The following DLG2 variants were observed in gnomAD, a reference collection of about 807,000 sequenced individuals.
The protein encoded by DLG2 is discs large MAGUK scaffold protein 2.
A neutral mutation model predicts 132.5 loss-of-function variants in DLG2; 45 were observed. The observed-to-expected ratio is 0.34, with a 90% CI of 0.27 to 0.44. DLG2 has a LOEUF of 0.44. DLG2 is among the 20% of genes least tolerant of loss of function. The pLI is 1.00. For synonymous variants in DLG2, 424 were observed against 419.6 expected, an observed-to-expected ratio of 1.01 and a Z score of -0.13; for missense variants, 1,045 against 1,196.9, an observed-to-expected ratio of 0.87 and a Z score of 1.87.
chr11:85,316,648 T>C (rs958339358), intron 3 of DLG2, among the ~76,000 whole-genome samples: 1 of 151,934 alleles, frequency 6.6e-6, no homozygotes, highest in Admixed American at 6.6e-5. Flanking sequence ...AGGATACAAC[T>C]GGGTATTTGA....
chr11:85,280,836 C>T (rs1266240370), intron 4 of DLG2, among the ~76,000 whole-genome samples: 1 of 151,938 alleles, frequency 6.6e-6, no homozygotes, highest in Non-Finnish European at 1.5e-5. Flanking sequence ...AAAATCAAAC[C>T]TCGGAATAGA....
intron 6 of DLG2, among the ~76,000 whole-genome samples, chr11:84,919,250 T>C (rs1209884500): frequency 6.6e-6 from 1 of 152,136 alleles, no homozygotes; most frequent in South Asian, 2.1e-4. Context: ...CTTATCTAAC[T>C]TACTGCTTAT....
At chr11:85,442,156 G>T (rs999614468) in intron 3 of DLG2, among the ~76,000 whole-genome samples, 11 of 152,182 alleles carry the variant, frequency 7.2e-5, no homozygotes, top group African/African-American at 2.4e-4. Flanking sequence ...CATGTCAAAA[G>T]ATTTGGATTT....
chr11:85,358,694 A>T (rs2083923031), intron 3 of DLG2, among the ~76,000 whole-genome samples: 1 of 152,222 alleles, frequency 6.6e-6, no homozygotes, highest in African/African-American at 2.4e-5. Flanking sequence ...GTAAACTTCT[A>T]GCTGGAACCA....
chr11:84,292,430 T>C (rs2154376311), intron 7 of DLG2, among the ~76,000 whole-genome samples: 1 of 152,216 alleles, frequency 6.6e-6, no homozygotes, highest in East Asian at 1.9e-4. Context: ...TGCTAGAGCC[T>C]AGCATTCCCT....
intron 7 of DLG2, among the ~76,000 whole-genome samples, chr11:84,326,253 C>T (rs559991984): frequency 1.3e-5 from 2 of 150,686 alleles, no homozygotes; most frequent in South Asian, 4.2e-4. Context: ...TAATTATTTT[C>T]TTCCTTCTGC....
intron 18 of DLG2, among the ~76,000 whole-genome samples, chr11:83,783,414 A>G (rs1409483015): frequency 6.6e-6 from 1 of 152,360 alleles, no homozygotes; most frequent in East Asian, 1.9e-4. Flanking sequence ...GCTAAAGACT[A>G]TGAGGAACAC....
chr11:85,258,236 G>A (rs921797915), intron 4 of DLG2, among the ~76,000 whole-genome samples: 2 of 152,002 alleles, frequency 1.3e-5, no homozygotes, highest in Admixed American at 6.6e-5. Flanking sequence ...TATTTTGACT[G>A]GCTTATTCAA....
intron 7 of DLG2, among the ~76,000 whole-genome samples, chr11:84,412,728 G>T (rs118150772): frequency 1.1e-4 from 16 of 152,128 alleles, no homozygotes; most frequent in African/African-American, 2.9e-4. Context: ...CTGCCTTAAG[G>T]CTCCATGGTT....
At chr11:85,395,905 G>A (rs2087308708) in intron 3 of DLG2, among the ~76,000 whole-genome samples, 2 of 152,194 alleles carry the variant, frequency 1.3e-5, no homozygotes, top group South Asian at 4.1e-4. Flanking sequence ...GCTCTGAAGA[G>A]ACCAGTGGTT....
chr11:85,481,735 C>T lies in DLG2; in HGVS notation c.40+116922G>A, dbSNP rs907682593. The stretch of plus-strand genomic sequence containing the variant: ...TCAGGCTAGCCCTCACAGCCACAGG[C>T]TTCAGGCCTGCCCCAGTACCAGGCC... On this transcript the variant is annotated intron_variant, in intron 3 of 27. Coordinates refer to ENST00000376104, the MANE Select transcript of DLG2 (RefSeq NM_001142699.3). Among the ~76,000 whole-genome samples the T allele has an allele frequency of 3.9e-5, 6 of 152,204 alleles. No individual in the cohort carries two copies. In the East Asian group the frequency reaches 1.2e-3, roughly 29 times the overall value.
chr11:85,501,096 G>C (rs1395182128), intron 3 of DLG2, among the ~76,000 whole-genome samples: 2 of 152,052 alleles, frequency 1.3e-5, no homozygotes, highest in Non-Finnish European at 2.9e-5. Flanking sequence ...ATAGAACAGA[G>C]GCCTCAGAAA....
intron 6 of DLG2, among the ~76,000 whole-genome samples, chr11:85,069,616 A>C (rs866931001): frequency 1.1e-3 from 166 of 152,104 alleles, no homozygotes; most frequent in African/African-American, 2.0e-3. Flanking sequence ...CCATCTCACA[A>C]CCGTTAGAAT....
chr11:83,855,303 T>C (rs1210593909), intron 16 of DLG2, among the ~76,000 whole-genome samples: 1 of 152,218 alleles, frequency 6.6e-6, no homozygotes, highest in East Asian at 1.9e-4. Flanking sequence ...GATCCAGCAA[T>C]TGTGCTCCTT....
At chr11:83,689,426 CT>C (rs1293383700) in intron 18 of DLG2, among the ~76,000 whole-genome samples, 1 of 152,064 alleles carries the variant, frequency 6.6e-6, no homozygotes, top group African/African-American at 2.4e-5. Flanking sequence ...GACTAATCAT[CT>C]TTTTTTATGA....
chr11:84,415,189 G>C (rs550883251), intron 7 of DLG2, among the ~76,000 whole-genome samples: 175 of 152,208 alleles, frequency 1.1e-3, no homozygotes, highest in Non-Finnish European at 2.1e-3. Flanking sequence ...ACTTGTTCTG[G>C]AAATGTGATT....
chr11:84,301,520 C>T (rs1201577725), intron 7 of DLG2, among the ~76,000 whole-genome samples: 2 of 151,684 alleles, frequency 1.3e-5, no homozygotes, highest in African/African-American at 2.4e-5. Flanking sequence ...ATTAGCCAGG[C>T]CTGGTGGCGG....
At chr11:85,463,698 G>A (rs191795682) in intron 3 of DLG2, among the ~76,000 whole-genome samples, 2 of 152,202 alleles carry the variant, frequency 1.3e-5, no homozygotes, top group Admixed American at 1.3e-4. Flanking sequence ...TTGAGCCCAG[G>A]AGTTCAAGGC....
At chr11:83,688,334 C>A (rs922107204) in intron 18 of DLG2, among the ~76,000 whole-genome samples, 3 of 152,056 alleles carry the variant, frequency 2.0e-5, no homozygotes, top group Non-Finnish European at 4.4e-5. Context: ...GATTTGTGGG[C>A]TTGTGCGAAT....
Sources: allele counts gnomAD v4.1 joint callset (sites outside exome capture counted in the v4.1 genomes callset), GRCh38; gene constraint gnomAD v4.1.1; transcripts MANE v1.5; gene names NCBI Gene and HGNC (gene_info 2026-07-23, HGNC 2026-07-21).